The following BDP1 variants were observed in gnomAD, a reference collection of about 807,000 sequenced individuals.
The protein encoded by BDP1 is BDP1 general transcription factor IIIB subunit.
Under a neutral mutation model 266.6 loss-of-function variants are expected in BDP1, and 169 were observed. The observed-to-expected ratio is 0.63, with a 90% CI of 0.56 to 0.72. BDP1 has a LOEUF of 0.72. Among genes scored for constraint, BDP1 ranks in the 30% least tolerant of loss-of-function variants. BDP1 has a pLI of 0.00. For synonymous variants in BDP1, 1,090 were observed against 1,022.4 expected, an observed-to-expected ratio of 1.07 and a Z score of -1.26; for missense variants, 3,015 against 3,053.8, an observed-to-expected ratio of 0.99 and a Z score of 0.30.
Position 71,562,280 on chromosome 5 carries a change from C to A in BDP1, c.7503C>A (p.Gly2501=), listed in dbSNP as rs749480864. The A allele has an allele frequency of 1.3e-6, 2 of 1,590,538 alleles. No individual in the cohort carries two copies. Among genetic ancestry groups the A allele is most frequent in the Non-Finnish European group, 1.7e-6 (2 of 1,170,378 alleles). The change falls in exon 38 of 39, where the codon GGC becomes GGA. Residue 2501 remains glycine, a synonymous_variant. Transcript: ENST00000358731. ...GTTACATTTGTATTTCTAGACCTGG[C>A]AGAAGACCCCTGGGATTTTTATCTT... ...SSSKASLSRP[G]RRPLGFLSLI... is the part of the protein sequence containing the mutation.
At chr5:71,546,554 G>GTCT (rs1742323497) in intron 32 of BDP1, among the ~76,000 whole-genome samples, 1 of 135,138 alleles carries the variant, frequency 7.4e-6, no homozygotes, top group Non-Finnish European at 1.5e-5. Context: ...GGAGACAGAG[G>GTCT]TTGCAGTGGC....
At chr5:71,506,814 CACACA>C (rs1764610182) in intron 16 of BDP1, among the ~76,000 whole-genome samples, 2 of 142,796 alleles carry the variant, frequency 1.4e-5, no homozygotes, top group South Asian at 4.8e-4. Flanking sequence ...CACACACACA[CACACA>C]CACACCCATA....
At chr5:71,521,290 AG>A (rs1256578739) in intron 22 of BDP1, among the ~76,000 whole-genome samples, 1 of 145,868 alleles carries the variant, frequency 6.9e-6, no homozygotes, top group Non-Finnish European at 1.5e-5. Context: ...GGTTTATATT[AG>A]TTTTTTTTTT....
chr5:71,460,026 A>G (rs2059192), intron 2 of BDP1, among the ~76,000 whole-genome samples: 70,691 of 152,108 alleles, frequency 0.46, 16,706 homozygotes, highest in South Asian at 0.55. Context: ...CTCAACCTCT[A>G]TCTAGCTCAT....
chr5:71,480,069 T>TG (rs1361080739), intron 7 of BDP1, among the ~76,000 whole-genome samples: 1 of 151,440 alleles, frequency 6.6e-6, no homozygotes, highest in Non-Finnish European at 1.5e-5. Flanking sequence ...CTCAGCCTCC[T>TG]GAGTAGCTGG....
At chr5:71,551,460 G>A (rs1049709116) in intron 34 of BDP1, among the ~76,000 whole-genome samples, 1 of 152,232 alleles carries the variant, frequency 6.6e-6, no homozygotes, top group African/African-American at 2.4e-5. Flanking sequence ...TCCCAAGGCA[G>A]AAGAATTTTT....
intron 22 of BDP1, among the ~76,000 whole-genome samples, chr5:71,519,294 T>G (rs1241031102): frequency 2.6e-5 from 2 of 76,514 alleles, no homozygotes; most frequent in African/African-American, 6.5e-5. Flanking sequence ...TATCCATCAC[T>G]TCATACTTTT....
intron 16 of BDP1, among the ~76,000 whole-genome samples, chr5:71,507,234 T>A (rs1764634928): frequency 6.6e-6 from 1 of 152,228 alleles, no homozygotes; most frequent in Non-Finnish European, 1.5e-5. Flanking sequence ...CCATTCATGA[T>A]CCTCTTGTTT....
At chr5:71,524,781 G>GCCTT (rs1765695926) in intron 25 of BDP1, among the ~76,000 whole-genome samples, 1 of 150,028 alleles carries the variant, frequency 6.7e-6, no homozygotes, top group Admixed American at 6.6e-5. Flanking sequence ...GGACCCTGCG[G>GCCTT]CCTTCCGCAG....
At chr5:71,539,773 A>G in intron 28 of BDP1, 124 bp downstream of exon 28, 1 of 599,556 alleles carries the variant, frequency 1.7e-6, no homozygotes, top group East Asian at 2.9e-5. Flanking sequence ...TTGTTCTTCC[A>G]TAAAATATGA....
chr5:71,570,771 A>AGCC (rs1744239456), downstream of BDP1, among the ~76,000 whole-genome samples: 2 of 152,224 alleles, frequency 1.3e-5, no homozygotes, highest in Non-Finnish European at 2.9e-5. Flanking sequence ...TGCAAAGGAC[A>AGCC]ACCATCATAG....
intron 16 of BDP1, among the ~76,000 whole-genome samples, chr5:71,505,102 G>A (rs1261138183): frequency 6.6e-6 from 1 of 152,094 alleles, no homozygotes; most frequent in African/African-American, 2.4e-5. Context: ...TGCTTCCCAG[G>A]TTCAAACAAT....
intron 28 of BDP1, among the ~76,000 whole-genome samples, chr5:71,541,195 A>G (rs1766941601): frequency 1.3e-5 from 2 of 152,202 alleles, no homozygotes; most frequent in Admixed American, 6.5e-5. Flanking sequence ...CATTTTTACT[A>G]ATAATCGGAT....
At chr5:71,493,504 G>T (rs1401487777) in intron 11 of BDP1, among the ~76,000 whole-genome samples, 1 of 152,132 alleles carries the variant, frequency 6.6e-6, no homozygotes, top group African/African-American at 2.4e-5. Context: ...TCGCACCTCA[G>T]CATGAGCCAC....
chr5:71,514,990 A>G lies in BDP1; in HGVS notation c.4517A>G (p.His1506Arg). The G allele has an allele frequency of 6.2e-7, 1 of 1,611,996 alleles. No individual in the cohort carries two copies. Among genetic ancestry groups the G allele is most frequent in the Non-Finnish European group, 8.5e-7 (1 of 1,179,432 alleles). Residue 1506 changes from histidine (H) to arginine (R), a missense_variant, in exon 20 of 39, where the codon CAC becomes CGC. Around this residue, in one of 3 missense-constraint regions of BDP1, gnomAD observed 2,383 missense variants for 2,404.9 expected, o/e 0.99. Coordinates refer to ENST00000358731, the MANE Select transcript of BDP1 (RefSeq NM_018429.3). ...TCAAGAGAAAAAGACACATTAGGTC[A>G]CAGGAATGAGGAGGCTGTGATATTG... is the stretch of plus-strand genomic sequence containing the variant. ...MISREKDTLGHRNEEAVILPC... is the reference protein window; with the variant it reads ...MISREKDTLGRRNEEAVILPC...
intron 17 of BDP1, 65 bp downstream of exon 17, chr5:71,511,216 A>G (rs1048584444): frequency 1.8e-5 from 26 of 1,461,790 alleles, no homozygotes; most frequent in Non-Finnish European, 2.1e-5. Context: ...AAATAATTCC[A>G]TGATTATTTT....
At chr5:71,484,508 G>C (rs538473107) in intron 8 of BDP1, among the ~76,000 whole-genome samples, 267 of 152,200 alleles carry the variant, frequency 1.8e-3, no homozygotes, top group Non-Finnish European at 3.0e-3. Flanking sequence ...TGGATCATTA[G>C]GGAAGTTCTG....
At chr5:71,570,418 A>G (rs1419413942), downstream of BDP1, among the ~76,000 whole-genome samples, 1 of 152,082 alleles carries the variant, frequency 6.6e-6, no homozygotes, top group African/African-American at 2.4e-5. Flanking sequence ...CTTTGGGTCT[A>G]TAACCTGATT....
intron 22 of BDP1, 49 bp from the exon 23 acceptor site, chr5:71,522,240 C>T (rs900456613): frequency 6.7e-7 from 1 of 1,491,470 alleles, no homozygotes; most frequent in Non-Finnish European, 9.2e-7. Context: ...GTTATATCAA[C>T]AAGAAATTCT....
Sources: gnomAD v4.1 joint callset for allele counts (sites outside exome capture counted in the v4.1 genomes callset) on GRCh38, gnomAD v4.1.1 for gene constraint, gnomAD v4.1.1 regional missense constraint, MANE v1.5 for transcripts, NCBI Gene and HGNC (gene_info 2026-07-23, HGNC 2026-07-21) for gene names.